The following GLI3 variants were observed in gnomAD, a reference collection of about 807,000 sequenced individuals.
The protein encoded by GLI3 is transcription activator GLI3.
A neutral mutation model predicts 100.8 loss-of-function variants in GLI3; 20 were observed. The ratio of observed to expected loss-of-function variants is 0.20; its 90% CI spans 0.14 to 0.29. The LOEUF (loss-of-function observed/expected upper bound fraction) is 0.29, where lower values mean the gene tolerates loss of function less well. GLI3 is among the 10% of genes least tolerant of loss of function. GLI3 has a pLI of 1.00. For missense variants in GLI3, 2,040 were observed against 2,128.5 expected (o/e 0.96, Z 0.82); for synonymous variants, 938 against 860.5 (o/e 1.09, Z -1.58).
chr7:42,169,547 T>C (rs1385490422), intron 2 of GLI3, among the ~76,000 whole-genome samples: 1 of 152,200 alleles, frequency 6.6e-6, no homozygotes, highest in Non-Finnish European at 1.5e-5. Flanking sequence ...ATACACCAAT[T>C]TGATGATATG....
At chr7:42,065,490 C>T (rs920091796) in intron 4 of GLI3, among the ~76,000 whole-genome samples, 5 of 152,030 alleles carry the variant, frequency 3.3e-5, no homozygotes, top group East Asian at 3.8e-4. Context: ...AAAATATTTA[C>T]TCTTTGTTAA....
intron 3 of GLI3, among the ~76,000 whole-genome samples, chr7:42,141,233 A>T (rs1193895208): frequency 2.6e-5 from 4 of 152,218 alleles, no homozygotes; most frequent in Admixed American, 2.6e-4. Context: ...TGCTCCCCTT[A>T]ACCACAGGGA....
At chr7:42,171,290 C>G (rs1233827811) in intron 2 of GLI3, among the ~76,000 whole-genome samples, 1 of 152,196 alleles carries the variant, frequency 6.6e-6, no homozygotes, top group African/African-American at 2.4e-5. Context: ...CACTTCTTCC[C>G]AAGTGAAAAC....
chr7:41,967,961 G>T, intron 13 of GLI3, 38 bp from the exon 14 acceptor site: 1 of 1,545,074 alleles, frequency 6.5e-7, no homozygotes, highest in African/African-American at 1.4e-5. Flanking sequence ...AATGTCACCA[G>T]GGAGGGTCAA....
intron 1 of GLI3, among the ~76,000 whole-genome samples, chr7:42,247,422 C>G (rs1282070171): frequency 6.6e-6 from 1 of 152,158 alleles, no homozygotes. Flanking sequence ...AACCATGACA[C>G]TGTACAGTCA....
At chr7:42,076,897 C>G (rs1311589721) in intron 3 of GLI3, 40 bp from the exon 4 acceptor site, 1 of 1,179,848 alleles carries the variant, frequency 8.5e-7, no homozygotes, top group Admixed American at 1.7e-5. Context: ...CAAATGAACA[C>G]TTTCAAACAG....
At chr7:42,190,823 A>G (rs1205698399) in intron 2 of GLI3, among the ~76,000 whole-genome samples, 5 of 152,208 alleles carry the variant, frequency 3.3e-5, no homozygotes, top group African/African-American at 9.6e-5. Flanking sequence ...ACCAAAGTCT[A>G]GAATCAAATA....
intron 4 of GLI3, among the ~76,000 whole-genome samples, chr7:42,061,013 C>T (rs1026594700): frequency 5.3e-5 from 8 of 152,158 alleles, no homozygotes; most frequent in African/African-American, 1.9e-4. Context: ...ACATGGAAAT[C>T]TCAACAATTC....
intron 3 of GLI3, among the ~76,000 whole-genome samples, chr7:42,114,263 C>T (rs1247370877): frequency 6.6e-6 from 1 of 152,178 alleles, no homozygotes; most frequent in Non-Finnish European, 1.5e-5. Context: ...CTGTTCAGAG[C>T]ATCAGATGAA....
At chr7:42,022,158 G>A (rs1308743994) in intron 10 of GLI3, among the ~76,000 whole-genome samples, 4 of 152,220 alleles carry the variant, frequency 2.6e-5, no homozygotes, top group Admixed American at 6.5e-5. Context: ...CAGGAGACAT[G>A]ATTTAAAAAG....
At chr7:42,108,521 G>C (rs1785629746) in intron 3 of GLI3, among the ~76,000 whole-genome samples, 1 of 152,138 alleles carries the variant, frequency 6.6e-6, no homozygotes, top group South Asian at 2.1e-4. Context: ...CAGAGTATGT[G>C]TTCAAGTTTA....
intron 3 of GLI3, among the ~76,000 whole-genome samples, chr7:42,105,703 T>A (rs1022075655): frequency 6.6e-6 from 1 of 152,098 alleles, no homozygotes; most frequent in South Asian, 2.1e-4. Context: ...AAGGTGTGAA[T>A]CCTCCCACTT....
intron 13 of GLI3, among the ~76,000 whole-genome samples, chr7:41,970,908 CA>C (rs35516843): frequency 0.049 from 7,462 of 151,996 alleles, 269 homozygotes; most frequent in African/African-American, 0.094. Context: ...TGCTCCCCTT[CA>C]AAAAAAGTAT....
chr7:42,185,310 T>C (rs1483028472), intron 2 of GLI3, among the ~76,000 whole-genome samples: 1 of 152,138 alleles, frequency 6.6e-6, no homozygotes, highest in Non-Finnish European at 1.5e-5. Context: ...TGGGAAGAGG[T>C]CCAGGGACCA....
chr7:42,140,828 G>A (rs188541003), intron 3 of GLI3, among the ~76,000 whole-genome samples: 13 of 152,280 alleles, frequency 8.5e-5, no homozygotes, highest in African/African-American at 3.1e-4. Flanking sequence ...GAGGAGGGCC[G>A]AGGATAATGT....
intron 3 of GLI3, among the ~76,000 whole-genome samples, chr7:42,089,023 C>G (rs1399132119): frequency 6.6e-6 from 1 of 152,206 alleles, no homozygotes; most frequent in East Asian, 1.9e-4. Context: ...CAAAGTAACC[C>G]CTGGCTTCTA....
upstream of GLI3, chr7:42,238,004 C>T: frequency 7.1e-6 from 1 of 140,562 alleles, no homozygotes; most frequent in Non-Finnish European, 1.4e-5. Flanking sequence ...GCCGCCGCCG[C>T]CTCCTCCTCC....
In GLI3 at chr7:41,964,792, C is replaced by G. The variant is rs537550919; in HGVS notation, c.4281G>C (p.Gly1427=). The G allele has an allele frequency of 1.2e-6, 2 of 1,613,716 alleles. No individual in the cohort carries two copies. Among genetic ancestry groups the G allele is most frequent in the East Asian group, 2.2e-5 (1 of 44,876 alleles). ...RVNGIKMEMK[G]QPHPLCSNLQ... ...GATTAGAGCACAGCGGATGGGGCTGCCCTTTCATCTCCATCTTGATACCAT... is the reference window on the plus strand; with the variant it reads ...GATTAGAGCACAGCGGATGGGGCTGGCCTTTCATCTCCATCTTGATACCAT... Residue 1427 remains glycine, a synonymous_variant, in exon 15 of 15, where the codon GGG becomes GGC. Coordinates refer to ENST00000395925, the MANE Select transcript of GLI3 (RefSeq NM_000168.6).
chr7:42,255,056 A>G (rs62443840), intron 1 of GLI3, among the ~76,000 whole-genome samples: 3,860 of 145,200 alleles, frequency 0.027, 63 homozygotes, highest in Middle Eastern at 0.037. Context: ...TCTCTCTTAC[A>G]TCTTTTTTTT....
Sources: gnomAD v4.1 joint callset for allele counts (sites outside exome capture counted in the v4.1 genomes callset) on GRCh38, gnomAD v4.1.1 for gene constraint, MANE v1.5 for transcripts, NCBI Gene and HGNC (gene_info 2026-07-23, HGNC 2026-07-21) for gene names.